The following PRDM16 variants were observed in gnomAD, a reference collection of about 807,000 sequenced individuals.
PRDM16 encodes histone-lysine N-methyltransferase PRDM16.
Under a neutral mutation model 110.6 loss-of-function variants are expected in PRDM16, and 23 were observed. The observed-to-expected ratio is 0.21, with a 90% CI of 0.15 to 0.29. PRDM16 has a LOEUF of 0.29. Among genes scored for constraint, PRDM16 ranks in the 10% least tolerant of loss-of-function variants. PRDM16 has a pLI of 1.00. For missense variants in PRDM16, 1,615 were observed against 1,794.3 expected (o/e 0.90, Z 1.81); for synonymous variants, 799 against 781.8 (o/e 1.02, Z -0.37).
Position 3,245,924 on chromosome 1 carries a change from C to T in PRDM16, c.438+1787C>T, listed in dbSNP as rs528973874. Among the ~76,000 whole-genome samples, 26 of 152,302 alleles carry T rather than the reference C, an allele frequency of 1.7e-4. No individual in the cohort carries two copies. The East Asian group carries it at 2.1e-3, about 12-fold the overall frequency. The stretch of plus-strand genomic sequence containing the variant: ...CCTGGACCGTCTGACATTTTCAAGA[C>T]GCCCTCCTTGGCTGCGCCTCTCCTG... On this transcript the variant is annotated intron_variant, in intron 3 of 16. Coordinates refer to ENST00000270722, the MANE Select transcript of PRDM16 (RefSeq NM_022114.4). This position sits in a 1 kb window ranked among gnomAD's most constrained non-coding sequence, Gnocchi z 4.7.
chr1:3,248,141 T>C (rs973281975), intron 3 of PRDM16, among the ~76,000 whole-genome samples: 1 of 152,244 alleles, frequency 6.6e-6, no homozygotes, highest in Non-Finnish European at 1.5e-5. Flanking sequence ...TCCAATAGGA[T>C]AGACATTTGG....
At chr1:3,202,651 C>CTTT (rs1318087457) in intron 2 of PRDM16, among the ~76,000 whole-genome samples, 1 of 152,222 alleles carries the variant, frequency 6.6e-6, no homozygotes, top group Non-Finnish European at 1.5e-5. Flanking sequence ...CTGATTCCTC[C>CTTT]TTTTCAACCT....
At chr1:3,340,282 A>G (rs1295332125) in intron 3 of PRDM16, among the ~76,000 whole-genome samples, 1 of 151,810 alleles carries the variant, frequency 6.6e-6, no homozygotes, top group Non-Finnish European at 1.5e-5. Flanking sequence ...CCAAGCCACC[A>G]TTGCCCCTCG....
At chr1:3,202,346 TCTGGGGGAGG>T (rs1163412121) in intron 2 of PRDM16, among the ~76,000 whole-genome samples, 2 of 59,414 alleles carry the variant, frequency 3.4e-5, no homozygotes, top group Non-Finnish European at 6.6e-5. Flanking sequence ...GCTGGGGGAG[TCTGGGGGAGG>T]CTGGGGAAGC....
At position 3,069,514 on chromosome 1, in the gene PRDM16, A is replaced by C. The variant is rs1420890078; in HGVS notation, c.37+218A>C. ...GGCGCCCGGGCCGCGCGCTCCCCGA[A>C]GGCGCCGGCCCCCTCCCCGCGGAAC... On this transcript the variant is annotated intron_variant, in intron 1 of 16. Coordinates refer to ENST00000270722, the MANE Select transcript of PRDM16 (RefSeq NM_022114.4). The surrounding 1 kb of genome is among the most constrained non-coding windows in gnomAD (Gnocchi z 6.1). Among the ~76,000 whole-genome samples the C allele has an allele frequency of 2.1e-5, 3 of 144,950 alleles. No individual in the cohort carries two copies. Among genetic ancestry groups the C allele is most frequent in the African/African-American group, 5.0e-5 (2 of 39,894 alleles).
At chr1:3,335,602 A>AACACACACACAC (rs3036535) in intron 3 of PRDM16, among the ~76,000 whole-genome samples, 11,498 of 144,086 alleles carry the variant, frequency 0.08, 476 homozygotes, top group East Asian at 0.15. Context: ...CTGAGGTTAA[A>AACACACACACAC]ACACACACAC....
In PRDM16 at chr1:3,069,844, G is replaced by C. The variant is rs1468820190; in HGVS notation, c.37+548G>C. Among the ~76,000 whole-genome samples, 1 of 151,996 alleles carries C rather than the reference G, an allele frequency of 6.6e-6. No homozygotes were observed. The highest frequency in any genetic ancestry group is 1.5e-5 in the Non-Finnish European group (1 of 67,970). ...GGAGGGAGACCCCGAGCCGGGGAGG[G>C]GCGGAGGAGGGGGCGCGGGCCGGCG... On this transcript the variant is annotated intron_variant, in intron 1 of 16. Coordinates refer to ENST00000270722, the MANE Select transcript of PRDM16 (RefSeq NM_022114.4). The surrounding 1 kb of genome is among the most constrained non-coding windows in gnomAD (Gnocchi z 6.1).
At chr1:3,150,253 T>C (rs961278312) in intron 1 of PRDM16, among the ~76,000 whole-genome samples, 31 of 152,154 alleles carry the variant, frequency 2.0e-4, no homozygotes, top group African/African-American at 6.8e-4. Flanking sequence ...GGCCCTTGGC[T>C]ATCTAAAAAT....
In PRDM16 at chr1:3,412,053, C is replaced by T. The variant is rs756015827; in HGVS notation, c.1856C>T (p.Thr619Met). 6.8e-6 allele frequency: 11 copies of T among 1,610,316 alleles called. No individual in the cohort carries two copies. Among genetic ancestry groups the T allele is most frequent in the Admixed American group, 5.0e-5 (3 of 59,878 alleles). Reference protein sequence around the residue: ...TTTGTDLDTTTGTGSDLDSDV... With the variant: ...TTTGTDLDTTMGTGSDLDSDV... ...ACGGGGACCGACCTGGACACGACCA[C>T]GGGGACGGGCTCGGACCTGGACAGC... The change falls in exon 9 of 17, where the codon ACG (threonine) becomes ATG (methionine). Residue 619 changes from threonine to methionine, a missense_variant. Physicochemically the swap from Thr to Met is moderately conservative, Grantham distance 81 (BLOSUM62 -1). Around this residue, in one of 5 missense-constraint regions of PRDM16, gnomAD observed 772 missense variants for 748.3 expected, o/e 1.03. Coordinates refer to ENST00000270722, the MANE Select transcript of PRDM16 (RefSeq NM_022114.4).
At chr1:3,181,281 T>TGGTCTTACACAC (rs1644170059) in intron 1 of PRDM16, among the ~76,000 whole-genome samples, 3 of 78,996 alleles carry the variant, frequency 3.8e-5, no homozygotes, top group African/African-American at 1.4e-4. Context: ...GCCTTACGCA[T>TGGTCTTACACAC]GGTCTTACAC....
At chr1:3,185,820 T>A (rs2100796899) in intron 1 of PRDM16, among the ~76,000 whole-genome samples, 1 of 152,328 alleles carries the variant, frequency 6.6e-6, no homozygotes, top group South Asian at 2.1e-4. Flanking sequence ...CGGCGCATCC[T>A]CAGGTGGCTG....
At chr1:3,181,952 T>C (rs1186299179) in intron 1 of PRDM16, among the ~76,000 whole-genome samples, 1 of 151,986 alleles carries the variant, frequency 6.6e-6, no homozygotes, top group African/African-American at 2.4e-5. Flanking sequence ...ACACACACAG[T>C]CTTACACATG....
At chr1:3,180,993 C>T (rs1002995870) in intron 1 of PRDM16, among the ~76,000 whole-genome samples, 1 of 147,286 alleles carries the variant, frequency 6.8e-6, no homozygotes, top group African/African-American at 2.4e-5. Flanking sequence ...CAGTCTTACA[C>T]ACGATCTTAC....
chr1:3,197,120 A>AG (rs1638499173), intron 2 of PRDM16, among the ~76,000 whole-genome samples: 2 of 152,098 alleles, frequency 1.3e-5, no homozygotes, highest in Non-Finnish European at 2.9e-5. Context: ...CTAAGATAGG[A>AG]GGGGCCCCTT....
At chr1:3,341,273 G>A (rs79305929) in intron 3 of PRDM16, among the ~76,000 whole-genome samples, 3,315 of 152,270 alleles carry the variant, frequency 0.022, 115 homozygotes, top group African/African-American at 0.076. Context: ...TTCCATCCCC[G>A]TTGGCAAGGG....
At chr1:3,170,627 C>G (rs573619909) in intron 1 of PRDM16, among the ~76,000 whole-genome samples, 1 of 152,308 alleles carries the variant, frequency 6.6e-6, no homozygotes, top group East Asian at 1.9e-4. Context: ...CTCCCCACCC[C>G]CACTCTGGTG....
In PRDM16 at chr1:3,425,906, T is replaced by A; in HGVS notation, c.3110-145T>A. 1 of 1,247,940 alleles carries A rather than the reference T, an allele frequency of 8.0e-7. No homozygotes were observed. Among genetic ancestry groups the A allele is most frequent in the Non-Finnish European group, 1.1e-6 (1 of 908,878 alleles). The allele number at this position is 1,247,940 out of a possible 1,614,324, so 77.3% of individuals were successfully genotyped here. ...CAGGCACCCCTCAAACCGTGGTCAT[T>A]AAAGAGAACCTCGTGCTCTCCGGTG... is the stretch of plus-strand genomic sequence containing the variant. On this transcript the variant is annotated intron_variant, in intron 13 of 16. Transcript: ENST00000270722. The surrounding 1 kb of genome is among the most constrained non-coding windows in gnomAD (Gnocchi z 6.9).
chr1:3,192,673 G>A (rs1638343002), intron 2 of PRDM16, among the ~76,000 whole-genome samples: 1 of 152,178 alleles, frequency 6.6e-6, no homozygotes, highest in Admixed American at 6.5e-5. Context: ...CCAGGCAGAA[G>A]CGACCCTGTT....
intron 3 of PRDM16, among the ~76,000 whole-genome samples, chr1:3,360,207 G>C (rs1399922258): frequency 6.6e-6 from 1 of 152,210 alleles, no homozygotes; most frequent in Non-Finnish European, 1.5e-5. Flanking sequence ...GTGGCAGCTC[G>C]AATGCAGCTG....
Sources: gnomAD v4.1 joint callset for allele counts (sites outside exome capture counted in the v4.1 genomes callset) on GRCh38, gnomAD v4.1.1 for gene constraint, gnomAD v4.1.1 regional missense constraint, Gnocchi (gnomAD v3.1) non-coding constraint, MANE v1.5 for transcripts, NCBI Gene and HGNC (gene_info 2026-07-23, HGNC 2026-07-21) for gene names.